Variants in KIF26B observed in about 807,000 individuals in gnomAD.
KIF26B encodes kinesin-like protein KIF26B.
KIF26B carries 63 observed loss-of-function variants against 151.2 expected under a neutral mutation model. That is an observed-to-expected ratio of 0.42 (90% CI 0.34 to 0.51). The LOEUF is 0.51. KIF26B is among the 20% of genes least tolerant of loss of function. The pLI, the probability that KIF26B is intolerant of heterozygous loss-of-function variation, is 0.07. For missense variants in KIF26B, 2,813 were observed against 2,913.6 expected (o/e 0.97, Z 0.79); for synonymous variants, 1,357 against 1,262.1 (o/e 1.08, Z -1.59).
At chr1:245,489,218 AT>A (rs1660346258) in intron 4 of KIF26B, among the ~76,000 whole-genome samples, 1 of 152,220 alleles carries the variant, frequency 6.6e-6, no homozygotes, top group African/African-American at 2.4e-5. Context: ...GAATAAACTT[AT>A]TGAAACACCC....
At chr1:245,214,513 A>T (rs754037566) in intron 2 of KIF26B, among the ~76,000 whole-genome samples, 22 of 152,242 alleles carry the variant, frequency 1.4e-4, no homozygotes, top group African/African-American at 2.4e-5. Context: ...TTTGCCAGAC[A>T]GAGGGCAAGT....
intron 2 of KIF26B, among the ~76,000 whole-genome samples, chr1:245,299,355 G>A (rs368336051): frequency 9.3e-4 from 121 of 130,194 alleles, no homozygotes; most frequent in African/African-American, 3.4e-3. Context: ...AGTTTGGGTC[G>A]CCCACATGAT....
intron 2 of KIF26B, among the ~76,000 whole-genome samples, chr1:245,202,141 A>G (rs1479901687): frequency 6.6e-6 from 1 of 152,160 alleles, no homozygotes; most frequent in Admixed American, 6.5e-5. Context: ...AAGCCCTTTC[A>G]TGAGAGCCAC....
intron 4 of KIF26B, among the ~76,000 whole-genome samples, chr1:245,487,891 C>T (rs1393974615): frequency 6.6e-6 from 1 of 151,860 alleles, no homozygotes; most frequent in African/African-American, 2.4e-5. Flanking sequence ...CAGGTTCAAG[C>T]AATCCTCCTG....
At chr1:245,229,909 C>T (rs544788175) in intron 2 of KIF26B, among the ~76,000 whole-genome samples, 14 of 151,862 alleles carry the variant, frequency 9.2e-5, no homozygotes, top group African/African-American at 2.7e-4. Context: ...CCGAGGTGGG[C>T]GGATCACAAA....
chr1:245,680,568 C>T (rs1375629038), intron 10 of KIF26B, among the ~76,000 whole-genome samples: 1 of 152,032 alleles, frequency 6.6e-6, no homozygotes. Context: ...TGTTCTCTCT[C>T]AATTCTGTCT....
intron 9 of KIF26B, among the ~76,000 whole-genome samples, chr1:245,642,489 A>T (rs2043902816): frequency 7.0e-6 from 1 of 143,368 alleles, no homozygotes; most frequent in Admixed American, 7.3e-5. Context: ...TGAACCCAGG[A>T]GGCAGAGTTT....
chr1:245,284,860 G>A (rs966404613), intron 2 of KIF26B, among the ~76,000 whole-genome samples: 1 of 152,030 alleles, frequency 6.6e-6, no homozygotes. Flanking sequence ...CCAATATGGA[G>A]AAAACCCCGT....
rs115937870 is a variant in KIF26B, at chr1:245,404,883, T to C, written c.1000-14696T>C. ...AAAGAATTTGGAGTTTAGTTTTGTA[T>C]CTTCTGAGGTCCAGGATTTTTCCAT... is the stretch of plus-strand genomic sequence containing the variant. On this transcript the variant is annotated intron_variant, in intron 3 of 14. Transcript: ENST00000407071. Among the ~76,000 whole-genome samples the C allele has an allele frequency of 3.5e-3, 531 of 152,356 alleles. 1 individual carries two copies. Among genetic ancestry groups the C allele is most frequent in the Admixed American group, 5.6e-3 (86 of 15,308 alleles).
chr1:245,259,440 A>G (rs1670594290), intron 2 of KIF26B, among the ~76,000 whole-genome samples: 2 of 152,170 alleles, frequency 1.3e-5, no homozygotes, highest in Admixed American at 6.5e-5. Flanking sequence ...CAATGAACAT[A>G]AATACCCTTG....
chr1:245,240,828 G>C (rs548269403), intron 2 of KIF26B, among the ~76,000 whole-genome samples: 1 of 152,184 alleles, frequency 6.6e-6, no homozygotes, highest in African/African-American at 2.4e-5. Context: ...CTGTGGGCCA[G>C]GTGGCTCAGG....
At chr1:245,588,366 GC>G (rs1269022082) in intron 5 of KIF26B, among the ~76,000 whole-genome samples, 1 of 152,142 alleles carries the variant, frequency 6.6e-6, no homozygotes, top group East Asian at 1.9e-4. Context: ...GTCTCCCACT[GC>G]CAGCAAGCAC....
rs2043532969 is a variant in KIF26B, at chr1:245,612,101, T to TGAGAGAGAGA, written c.2098+126_2098+127insAGAGAGAGAG. 17 of 500,722 alleles carry TGAGAGAGAGA rather than the reference T, an allele frequency of 3.4e-5. No individual in the cohort carries two copies. The South Asian group carries it at 4.7e-4, about 14-fold the overall frequency. The allele number at this position is 500,722 out of a possible 1,614,324, so 31.0% of individuals were successfully genotyped here. On this transcript the variant is annotated intron_variant, in intron 9 of 14. Coordinates refer to ENST00000407071, the MANE Select transcript of KIF26B (RefSeq NM_018012.4). ...GTGTGTGTGTGTGTGTGTGTGTGTG[T>TGAGAGAGAGA]GTGTGAGAGAGAGAGAGAGAGAGAG...
In KIF26B at chr1:245,702,435, A is replaced by G. The variant is rs1288435153; in HGVS notation, c.6179-23A>G. 1.2e-6 allele frequency: 2 copies of G among 1,613,564 alleles called. No individual in the cohort carries two copies. Among genetic ancestry groups the G allele is most frequent in the Non-Finnish European group, 1.7e-6 (2 of 1,179,642 alleles). ...CTCACCCTGTTTGCTCTGCGTCTCC[A>G]TCAGGCTCTTCCTCTCTTGCAGTTG... On this transcript the variant is annotated intron_variant, in intron 14 of 14. Coordinates refer to ENST00000407071, the MANE Select transcript of KIF26B (RefSeq NM_018012.4). The surrounding 1 kb of genome is among the most constrained non-coding windows in gnomAD (Gnocchi z 4.1).
At chr1:245,630,677 C>T (rs1237359270) in intron 9 of KIF26B, among the ~76,000 whole-genome samples, 1 of 152,068 alleles carries the variant, frequency 6.6e-6, no homozygotes, top group Non-Finnish European at 1.5e-5. Context: ...TACAGCAAGC[C>T]ACCATAGTAC....
intron 2 of KIF26B, among the ~76,000 whole-genome samples, chr1:245,346,136 G>T (rs1672451155): frequency 6.6e-6 from 1 of 151,762 alleles, no homozygotes; most frequent in African/African-American, 2.4e-5. Flanking sequence ...GTAGAGTCAG[G>T]GTTTCACCAT....
At chr1:245,428,478 G>A (rs1245904752) in intron 4 of KIF26B, among the ~76,000 whole-genome samples, 5 of 152,090 alleles carry the variant, frequency 3.3e-5, no homozygotes, top group Admixed American at 6.5e-5. Context: ...GTAATTTAAC[G>A]TCTACACTGT....
rs55638619 is a variant in KIF26B at position 245,244,756 on chromosome 1, TCACACACA to T, written c.465+88102_465+88109del. On this transcript the variant is annotated intron_variant, in intron 2 of 14. Coordinates refer to ENST00000407071, the MANE Select transcript of KIF26B (RefSeq NM_018012.4). This position sits in a 1 kb window ranked among gnomAD's most constrained non-coding sequence, Gnocchi z 4.2. The stretch of plus-strand genomic sequence containing the variant: ...AGAAGGAACACACAGACACGCACAC[TCACACACA>T]CACACACACACACACACACACACAC... 7.1e-4 allele frequency among the ~76,000 whole-genome samples: 103 copies of T among 144,456 alleles called. 1 individual carries two copies. The highest frequency in any genetic ancestry group is 1.7e-3 in the African/African-American group (66 of 39,230). 94.8% of individuals were successfully genotyped at this position (144,456 alleles called of 152,430 possible).
chr1:245,329,439 C>T (rs148528524), intron 2 of KIF26B, among the ~76,000 whole-genome samples: 318 of 152,344 alleles, frequency 2.1e-3, no homozygotes, highest in African/African-American at 7.2e-3. Flanking sequence ...GCTCCACCCT[C>T]ATCGCCACTA....
Sources: gnomAD v4.1 joint callset for allele counts (sites outside exome capture counted in the v4.1 genomes callset) on GRCh38, gnomAD v4.1.1 for gene constraint, Gnocchi (gnomAD v3.1) non-coding constraint, MANE v1.5 for transcripts, NCBI Gene and HGNC (gene_info 2026-07-23, HGNC 2026-07-21) for gene names.